Variants in MAF observed in about 807,000 individuals in gnomAD.
MAF encodes the protein MAF bZIP transcription factor.
A neutral mutation model predicts 22.0 loss-of-function variants in MAF; 10 were observed. That is an observed-to-expected ratio of 0.45 (90% confidence interval 0.28 to 0.77). The LOEUF is 0.77. Among genes scored for constraint, MAF ranks in the 30% least tolerant of loss-of-function variants. MAF has a pLI of 0.12. For synonymous variants in MAF, 337 were observed against 255.8 expected, an observed-to-expected ratio of 1.32 and a Z score of -3.03; for missense variants, 544 against 548.4, an observed-to-expected ratio of 0.99 and a Z score of 0.08.
At chr16:79,317,789 C>T in the MAF span, among the ~76,000 whole-genome samples, 8 of 152,184 alleles carry the variant, frequency 5.3e-5, no homozygotes, top group African/African-American at 1.9e-4. Flanking sequence ...CCACTGGACA[C>T]ATGACATCAT....
At chr16:79,560,209 C>T in the MAF span, among the ~76,000 whole-genome samples, 6 of 152,020 alleles carry the variant, frequency 3.9e-5, no homozygotes, top group Non-Finnish European at 8.8e-5. Context: ...GCCAGGTGCA[C>T]CACTGTACCT....
chr16:79,402,898 G>A, the MAF span, among the ~76,000 whole-genome samples: 1 of 152,184 alleles, frequency 6.6e-6, no homozygotes, highest in East Asian at 1.9e-4. Flanking sequence ...GCTGAGCCCA[G>A]AGATCATGAA....
chr16:79,498,555 C>T, the MAF span, among the ~76,000 whole-genome samples: 2 of 152,186 alleles, frequency 1.3e-5, no homozygotes, highest in African/African-American at 4.8e-5. Flanking sequence ...CTGGTGCCCA[C>T]CACTGTGCCA....
chr16:79,304,883 G>C, the MAF span, among the ~76,000 whole-genome samples: 4 of 152,172 alleles, frequency 2.6e-5, no homozygotes, highest in Admixed American at 1.3e-4. Flanking sequence ...AGTCACATGA[G>C]TGGTGTTGCA....
chr16:79,516,007 C>A, the MAF span: 2 of 141,502 alleles, frequency 1.4e-5, no homozygotes, highest in African/African-American at 5.4e-5. Flanking sequence ...AAATGAGGAC[C>A]AGAGAGATGA....
chr16:79,419,384 A>C, the MAF span, among the ~76,000 whole-genome samples: 10 of 152,346 alleles, frequency 6.6e-5, no homozygotes, highest in South Asian at 2.1e-3. Flanking sequence ...GAGATTGAGA[A>C]AACAGGACAC....
chr16:79,319,726 G>C, the MAF span, among the ~76,000 whole-genome samples: 1 of 152,182 alleles, frequency 6.6e-6, no homozygotes, highest in African/African-American at 2.4e-5. Flanking sequence ...GATGTGCTAA[G>C]GACCATTTGT....
chr16:79,348,069 T>C, the MAF span, among the ~76,000 whole-genome samples: 3 of 152,260 alleles, frequency 2.0e-5, no homozygotes, highest in Non-Finnish European at 4.4e-5. Flanking sequence ...AACATTAGTG[T>C]GACCTTTTCC....
At chr16:79,320,930 T>G in the MAF span, among the ~76,000 whole-genome samples, 1 of 152,198 alleles carries the variant, frequency 6.6e-6, no homozygotes, top group Non-Finnish European at 1.5e-5. Flanking sequence ...AGAAACAGTC[T>G]GAGATCACAG....
chr16:79,427,384 T>A, the MAF span, among the ~76,000 whole-genome samples: 1 of 152,238 alleles, frequency 6.6e-6, no homozygotes, highest in Non-Finnish European at 1.5e-5. Flanking sequence ...CAACAGGGCT[T>A]GAACAGCCCC....
the MAF span, among the ~76,000 whole-genome samples, chr16:79,427,384 T>C: frequency 6.6e-6 from 1 of 152,238 alleles, no homozygotes; most frequent in South Asian, 2.1e-4. Context: ...CAACAGGGCT[T>C]GAACAGCCCC....
At chr16:79,315,586 T>C in the MAF span, among the ~76,000 whole-genome samples, 88,600 of 152,032 alleles carry the variant, frequency 0.58, 26,923 homozygotes, top group Non-Finnish European at 0.68. Context: ...TGGGCTTGGT[T>C]AAGTAGCTTT....
chr16:79,534,548 G>A, the MAF span, among the ~76,000 whole-genome samples: 10,011 of 151,380 alleles, frequency 0.066, 514 homozygotes, highest in Non-Finnish European at 0.088. Flanking sequence ...CACCTACCTT[G>A]GACACAGGGT....
At chr16:79,541,472 C>T in the MAF span, among the ~76,000 whole-genome samples, 174 of 151,176 alleles carry the variant, frequency 1.2e-3, 1 homozygote, top group African/African-American at 4.0e-3. Flanking sequence ...CTTCCCAAAC[C>T]ACCAGAAAAA....
chr16:79,566,154 C>CT, the MAF span, among the ~76,000 whole-genome samples: 4 of 152,172 alleles, frequency 2.6e-5, no homozygotes, highest in Admixed American at 6.5e-5. Flanking sequence ...TCATCAGTTT[C>CT]TTTTTTTTAA....
chr16:79,571,530 A>ATTT, the MAF span, among the ~76,000 whole-genome samples: 4,502 of 103,798 alleles, frequency 0.043, 167 homozygotes, highest in African/African-American at 0.079. Context: ...TCTCAGCGGA[A>ATTT]TTTTTTTTTT....
the MAF span, among the ~76,000 whole-genome samples, chr16:79,259,991 A>C: frequency 6.6e-6 from 1 of 152,192 alleles, no homozygotes; most frequent in Non-Finnish European, 1.5e-5. Flanking sequence ...AGCACAGTGC[A>C]TAGTGGGACT....
the MAF span, among the ~76,000 whole-genome samples, chr16:79,291,071 T>A: frequency 1.3e-5 from 2 of 152,066 alleles, no homozygotes; most frequent in African/African-American, 4.8e-5. Flanking sequence ...TTTTTCCACA[T>A]CTCCCATAGG....
chr16:79,302,235 G>A, the MAF span, among the ~76,000 whole-genome samples: 4 of 152,354 alleles, frequency 2.6e-5, no homozygotes, highest in East Asian at 7.7e-4. Flanking sequence ...CAGAATCTGA[G>A]CCCAGTGAGT....
Sources: gnomAD v4.1 joint callset for allele counts (sites outside exome capture counted in the v4.1 genomes callset) on GRCh38, gnomAD v4.1.1 for gene constraint, MANE v1.5 for transcripts, NCBI Gene and HGNC (gene_info 2026-07-23, HGNC 2026-07-21) for gene names.